GSK3B: variants seen among roughly 807,000 people sequenced by gnomAD.
The protein encoded by GSK3B is glycogen synthase kinase 3 beta.
A neutral mutation model predicts 56.4 loss-of-function variants in GSK3B; 15 were observed. The observed-to-expected ratio is 0.27, with a 90% confidence interval of 0.18 to 0.41. GSK3B has a LOEUF of 0.41. Among genes scored for constraint, GSK3B ranks in the 10% least tolerant of loss-of-function variants. The probability of loss-of-function intolerance (pLI) is 1.00; values close to 1 mark genes in which losing one functional copy is unlikely to be tolerated. For synonymous variants in GSK3B, 181 were observed against 188.9 expected, an observed-to-expected ratio of 0.96 and a Z score of 0.34; for missense variants, 300 against 513.4, an observed-to-expected ratio of 0.58 and a Z score of 4.02.
intron 2 of GSK3B, among the ~76,000 whole-genome samples, chr3:119,950,397 T>C (rs2107495130): frequency 6.6e-6 from 1 of 152,222 alleles, no homozygotes; most frequent in East Asian, 1.9e-4. Context: ...CTAGGGAAGA[T>C]GGTTACAGGG....
intron 1 of GSK3B, among the ~76,000 whole-genome samples, chr3:120,082,074 C>A (rs2107577965): frequency 6.6e-6 from 1 of 152,214 alleles, no homozygotes; most frequent in Admixed American, 6.5e-5. Flanking sequence ...AATTTAAATA[C>A]CTATTTTAAC....
At chr3:120,001,074 G>A (rs578045111) in intron 2 of GSK3B, among the ~76,000 whole-genome samples, 4 of 151,732 alleles carry the variant, frequency 2.6e-5, no homozygotes, top group African/African-American at 7.2e-5. Flanking sequence ...ACAAGCGCCC[G>A]CCACCATACC....
intron 2 of GSK3B, among the ~76,000 whole-genome samples, chr3:119,951,692 T>G (rs2057158830): frequency 6.6e-6 from 1 of 151,850 alleles, no homozygotes; most frequent in Non-Finnish European, 1.5e-5. Flanking sequence ...AAAAAAGCAG[T>G]CAACAGAAAT....
chr3:119,993,366 G>A (rs1274141603), intron 2 of GSK3B, among the ~76,000 whole-genome samples: 1 of 151,974 alleles, frequency 6.6e-6, no homozygotes, highest in African/African-American at 2.4e-5. Context: ...AAGAAAGGGG[G>A]TGAAGTTCTA....
intron 7 of GSK3B, among the ~76,000 whole-genome samples, chr3:119,899,260 C>T (rs1000572235): frequency 6.6e-6 from 1 of 152,130 alleles, no homozygotes. Context: ...CAATTTAAAA[C>T]TCATAAATTG....
chr3:119,962,418 T>C (rs2057281446), intron 2 of GSK3B, among the ~76,000 whole-genome samples: 1 of 150,144 alleles, frequency 6.7e-6, no homozygotes, highest in Non-Finnish European at 1.5e-5. Flanking sequence ...AAAAAGCCTA[T>C]AACTAACACA....
At chr3:119,854,169 G>A (rs1216425663) in intron 9 of GSK3B, among the ~76,000 whole-genome samples, 2 of 152,126 alleles carry the variant, frequency 1.3e-5, no homozygotes. Flanking sequence ...TGCATCTATT[G>A]AGATAATCAC....
At chr3:119,979,357 T>C (rs948024454) in intron 2 of GSK3B, among the ~76,000 whole-genome samples, 2 of 152,122 alleles carry the variant, frequency 1.3e-5, no homozygotes, top group African/African-American at 4.8e-5. Context: ...GAAACTCCTT[T>C]TGACCCTGCA....
intron 2 of GSK3B, among the ~76,000 whole-genome samples, chr3:119,989,380 C>T (rs181671881): frequency 4.3e-4 from 65 of 152,272 alleles, no homozygotes; most frequent in Admixed American, 1.1e-3. Context: ...AAGTAGCTCA[C>T]GCCTGTAATC....
chr3:119,871,471 T>G (rs1046658236), intron 8 of GSK3B, among the ~76,000 whole-genome samples: 1 of 152,218 alleles, frequency 6.6e-6, no homozygotes, highest in African/African-American at 2.4e-5. Context: ...GCATTCATAT[T>G]AATACTATTA....
chr3:119,915,840 A>C lies in GSK3B; in HGVS notation c.608+204T>G, dbSNP rs527833106. ...GTATTCCTAAGGAAATAATTCCTAAAAGTTAAACTGTTAAATGAAGGAGTA... is the reference window on the plus strand; with the variant it reads ...GTATTCCTAAGGAAATAATTCCTAACAGTTAAACTGTTAAATGAAGGAGTA... On this transcript the variant is annotated intron_variant, in intron 5 of 10. Transcript: ENST00000264235. 2.0e-5 allele frequency among the ~76,000 whole-genome samples: 3 copies of C among 152,306 alleles called. No individual in the cohort carries two copies. In the South Asian group the frequency reaches 6.2e-4, roughly 32 times the overall value.
At chr3:120,091,723 A>G (rs1336682696) in intron 1 of GSK3B, among the ~76,000 whole-genome samples, 1 of 152,132 alleles carries the variant, frequency 6.6e-6, no homozygotes, top group Non-Finnish European at 1.5e-5. Context: ...TATTTTTCAA[A>G]TCACTCCATG....
At chr3:119,984,395 TA>T (rs36165954) in intron 2 of GSK3B, among the ~76,000 whole-genome samples, 66,739 of 141,776 alleles carry the variant, frequency 0.47, 16,158 homozygotes, top group African/African-American at 0.65. Flanking sequence ...AGAAAAACCT[TA>T]AAAAAAAAAA....
At chr3:120,023,069 G>C (rs2057892993) in intron 1 of GSK3B, among the ~76,000 whole-genome samples, 1 of 151,986 alleles carries the variant, frequency 6.6e-6, no homozygotes, top group Admixed American at 6.6e-5. Context: ...AATGGTCTTT[G>C]TCATCTCCTA....
At chr3:119,947,091 T>C (rs557606330) in intron 3 of GSK3B, among the ~76,000 whole-genome samples, 177 bp downstream of exon 3, 42 of 152,320 alleles carry the variant, frequency 2.8e-4, no homozygotes, top group African/African-American at 9.4e-4. Context: ...TACTAATGCT[T>C]TCCTGATATA....
At chr3:119,889,045 GC>G (rs1461607502) in intron 7 of GSK3B, among the ~76,000 whole-genome samples, 1 of 152,066 alleles carries the variant, frequency 6.6e-6, no homozygotes, top group Non-Finnish European at 1.5e-5. Flanking sequence ...CAAAAGTTCT[GC>G]CTTTTGTCCT....
chr3:119,949,612 A>G (rs1015027895), intron 2 of GSK3B, among the ~76,000 whole-genome samples: 2 of 152,100 alleles, frequency 1.3e-5, no homozygotes, highest in African/African-American at 4.8e-5. Flanking sequence ...TTCATCAAAC[A>G]TGGTAAGAAA....
intron 3 of GSK3B, among the ~76,000 whole-genome samples, chr3:119,926,391 C>A (rs72967195): frequency 6.6e-6 from 1 of 151,684 alleles, no homozygotes; most frequent in Non-Finnish European, 1.5e-5. Context: ...TATCCAAATG[C>A]CAGGAAATAT....
chr3:119,926,930 T>C (rs1227225498), intron 3 of GSK3B, among the ~76,000 whole-genome samples: 2 of 152,218 alleles, frequency 1.3e-5, no homozygotes, highest in African/African-American at 4.8e-5. Context: ...ATTCCCCATC[T>C]GCCTTCCCCA....
Sources: allele counts gnomAD v4.1 joint callset (sites outside exome capture counted in the v4.1 genomes callset), GRCh38; gene constraint gnomAD v4.1.1; transcripts MANE v1.5; gene names NCBI Gene and HGNC (gene_info 2026-07-23, HGNC 2026-07-21).